The following EFCAB6 variants were observed in gnomAD, a reference collection of about 807,000 sequenced individuals.
The protein encoded by EFCAB6 is EF-hand calcium binding domain 6.
A neutral mutation model predicts 169.8 loss-of-function variants in EFCAB6; 156 were observed. The observed-to-expected ratio is 0.92, with a 90% confidence interval of 0.81 to 1.05. The LOEUF (loss-of-function observed/expected upper bound fraction) is 1.05, where lower values mean the gene tolerates loss of function less well. Among genes scored for constraint, EFCAB6 ranks in the 50% least tolerant of loss-of-function variants. The pLI is 0.00. For missense variants in EFCAB6, 1,800 were observed against 1,829.1 expected (o/e 0.98, Z 0.29); for synonymous variants, 698 against 676.4 (o/e 1.03, Z -0.50).
intron 10 of EFCAB6, among the ~76,000 whole-genome samples, chr22:43,689,235 G>T (rs1311144382): frequency 6.6e-6 from 1 of 151,980 alleles, no homozygotes; most frequent in Non-Finnish European, 1.5e-5. Flanking sequence ...GAGGCAGGGG[G>T]TTGGTTGGAT....
chr22:43,725,049 C>G (rs2059673527), intron 8 of EFCAB6, among the ~76,000 whole-genome samples: 1 of 151,322 alleles, frequency 6.6e-6, no homozygotes, highest in Non-Finnish European at 1.5e-5. Flanking sequence ...CTGCAGCTGG[C>G]TGGCTTCTGA....
Position 43,554,788 on chromosome 22 carries a change from A to C in EFCAB6, c.3648+81T>G, listed in dbSNP as rs1055870649. On this transcript the variant is annotated intron_variant, in intron 27 of 31. Coordinates refer to ENST00000262726, the MANE Select transcript of EFCAB6 (RefSeq NM_022785.4). ...CATTTTAAAAATAGAGAACAGTCTT[A>C]AACTCTGTACATTCTGGCCAGGGAC... 5 of 1,237,064 alleles carry C rather than the reference A, an allele frequency of 4.0e-6. No individual in the cohort carries two copies. In the African/African-American group the frequency reaches 4.5e-5, roughly 11 times the overall value. 76.6% of individuals were successfully genotyped at this position (1,237,064 alleles called of 1,614,324 possible).
intron 25 of EFCAB6, 150 bp downstream of exon 25, chr22:43,580,314 C>A (rs1602398176): frequency 1.2e-5 from 9 of 749,100 alleles, no homozygotes; most frequent in East Asian, 2.7e-5. Context: ...AGAGTGGATA[C>A]ACAACTACCC....
chr22:43,801,213 C>T (rs1325771036), intron 2 of EFCAB6, among the ~76,000 whole-genome samples: 2 of 152,032 alleles, frequency 1.3e-5, no homozygotes, highest in African/African-American at 4.8e-5. Context: ...CACTGTCATC[C>T]AAGAATATTA....
chr22:43,710,151 C>A (rs1603260762), intron 10 of EFCAB6, among the ~76,000 whole-genome samples: 1 of 152,198 alleles, frequency 6.6e-6, no homozygotes, highest in East Asian at 1.9e-4. Context: ...GTATTCCTAA[C>A]CTAGATTGTG....
intron 20 of EFCAB6, among the ~76,000 whole-genome samples, chr22:43,625,090 T>A (rs1007848714): frequency 6.8e-6 from 1 of 146,920 alleles, no homozygotes; most frequent in African/African-American, 2.4e-5. Context: ...CTTGCTTTTT[T>A]ATTTTTTTAA....
intron 10 of EFCAB6, among the ~76,000 whole-genome samples, chr22:43,695,798 T>G (rs980876861): frequency 6.6e-6 from 1 of 152,046 alleles, no homozygotes; most frequent in African/African-American, 2.4e-5. Flanking sequence ...ACCTTGACCC[T>G]TATCTCACAC....
chr22:43,579,947 C>T (rs1187340972), intron 25 of EFCAB6, among the ~76,000 whole-genome samples: 4 of 152,216 alleles, frequency 2.6e-5, no homozygotes, highest in Admixed American at 2.6e-4. Flanking sequence ...TGCCTACATG[C>T]AAGCATCATT....
intron 15 of EFCAB6, among the ~76,000 whole-genome samples, chr22:43,670,514 G>A (rs1397426712): frequency 1.3e-5 from 2 of 152,246 alleles, no homozygotes; most frequent in Non-Finnish European, 2.9e-5. Flanking sequence ...CTGTGTATAT[G>A]TGCTTAATAA....
intron 8 of EFCAB6, among the ~76,000 whole-genome samples, chr22:43,718,654 G>A (rs774201757): frequency 2.0e-5 from 3 of 152,140 alleles, no homozygotes; most frequent in Middle Eastern, 3.2e-3. Context: ...ATTGCGGCAC[G>A]CCTATAGTCC....
intron 6 of EFCAB6, among the ~76,000 whole-genome samples, chr22:43,742,073 T>A (rs2060393892): frequency 6.6e-6 from 1 of 152,160 alleles, no homozygotes; most frequent in African/African-American, 2.4e-5. Context: ...GAAAAGAACA[T>A]CTTGCCCCTA....
intron 22 of EFCAB6, among the ~76,000 whole-genome samples, chr22:43,607,922 TA>T (rs898481607): frequency 2.0e-5 from 3 of 152,224 alleles, no homozygotes; most frequent in Non-Finnish European, 4.4e-5. Context: ...CCAAAACAGC[TA>T]AATCGAAAAT....
chr22:43,810,279 AG>A (rs2148240190), intron 1 of EFCAB6, among the ~76,000 whole-genome samples: 1 of 152,350 alleles, frequency 6.6e-6, no homozygotes, highest in East Asian at 1.9e-4. Context: ...ATTAGCCAGT[AG>A]TAGTATTAGT....
intron 22 of EFCAB6, among the ~76,000 whole-genome samples, chr22:43,607,307 A>G (rs2052994040): frequency 6.6e-6 from 1 of 152,102 alleles, no homozygotes; most frequent in Non-Finnish European, 1.5e-5. Context: ...CTCACTGCCC[A>G]TGCCACTTGA....
intron 8 of EFCAB6, among the ~76,000 whole-genome samples, chr22:43,717,730 T>C (rs1266158000): frequency 2.0e-5 from 3 of 152,140 alleles, no homozygotes; most frequent in Non-Finnish European, 2.9e-5. Flanking sequence ...TTGAATATGC[T>C]TAAATCCTTT....
At chr22:43,615,246 C>T (rs181776734) in intron 21 of EFCAB6, among the ~76,000 whole-genome samples, 2 of 152,292 alleles carry the variant, frequency 1.3e-5, no homozygotes, top group East Asian at 1.9e-4. Context: ...AGGACAAACT[C>T]GGTTTTGCAC....
rs56164555 is a variant in EFCAB6, at chr22:43,614,177, CAAA to C, written c.2562+1646_2562+1648del. On this transcript the variant is annotated intron_variant, in intron 21 of 31. Transcript: ENST00000262726. ...ACTCAGAATAGCCAACACAATACTG[CAAA>C]AAAAAAAAAAAAAGAACAAACTTGG... is the stretch of plus-strand genomic sequence containing the variant. 1.7e-4 allele frequency among the ~76,000 whole-genome samples: 12 copies of C among 68,800 alleles called. No individual in the cohort carries two copies. In the East Asian group the frequency reaches 2.3e-3, roughly 13 times the overall value. The allele number at this position is 68,800 out of a possible 152,430, so 45.1% of individuals were successfully genotyped here.
intron 7 of EFCAB6, among the ~76,000 whole-genome samples, chr22:43,734,760 A>G (rs987424362): frequency 2.0e-5 from 3 of 152,214 alleles, no homozygotes; most frequent in Admixed American, 1.3e-4. Flanking sequence ...AACATACTCA[A>G]AAGAGAAACA....
chr22:43,754,923 T>G (rs1019993517), intron 6 of EFCAB6, among the ~76,000 whole-genome samples: 2 of 152,218 alleles, frequency 1.3e-5, no homozygotes, highest in African/African-American at 4.8e-5. Flanking sequence ...GGGTTCTGAA[T>G]AATATCAACT....
Sources: allele counts gnomAD v4.1 joint callset (sites outside exome capture counted in the v4.1 genomes callset), GRCh38; gene constraint gnomAD v4.1.1; transcripts MANE v1.5; gene names NCBI Gene and HGNC (gene_info 2026-07-23, HGNC 2026-07-21).